The following CCDC127 variants were observed in gnomAD, a reference collection of about 807,000 sequenced individuals.
CCDC127 encodes coiled-coil domain containing 127.
In CCDC127, 2 loss-of-function variants were observed where a neutral mutation model predicts 4.1. The observed-to-expected ratio is 0.49, with a 90% CI of 0.20 to 1.53. CCDC127 has a LOEUF of 1.53. CCDC127 is among the 40% of genes most tolerant of loss of function. CCDC127 has a pLI of 0.23. For synonymous variants in CCDC127, 98 were observed against 120.4 expected (o/e 0.81, Z 1.22); for missense variants, 271 against 322.9 (o/e 0.84, Z 1.23).
intron 2 of CCDC127, among the ~76,000 whole-genome samples, chr5:208,098 A>C (rs1734213846): frequency 6.6e-6 from 1 of 152,168 alleles, no homozygotes; most frequent in Non-Finnish European, 1.5e-5. Flanking sequence ...CTTTGGGCAC[A>C]CGCAACTTTT....
At chr5:206,694 C>T (rs979469311) in intron 2 of CCDC127, among the ~76,000 whole-genome samples, 2 of 152,178 alleles carry the variant, frequency 1.3e-5, no homozygotes, top group Non-Finnish European at 2.9e-5. Flanking sequence ...AAAAAAAGAC[C>T]GTGTGATAAC....
Position 216,753 on chromosome 5 carries a change from G to A in CCDC127, c.97C>T (p.Pro33Ser), listed in dbSNP as rs561280577. ...GSRWNYALLV[P>S]MLGLAAFRWI... ...CGAAAAGCAGCCAATCCCAGCATTG[G>A]AACCAACAGGGCATAATTCCACCTG... The change falls in exon 2 of 3, where the codon CCA becomes TCA. Residue 33 changes from proline (P) to serine (S), a missense_variant. This residue lies in a region of CCDC127 where 6 missense variants were observed against 52.1 expected (regional missense o/e 0.12). Transcript: ENST00000296824. 1 of 1,613,238 alleles carries A rather than the reference G, an allele frequency of 6.2e-7. No homozygotes were observed. The highest frequency in any genetic ancestry group is 1.7e-5 in the Admixed American group (1 of 59,946).
chr5:207,849 A>C (rs1734208689), intron 2 of CCDC127, among the ~76,000 whole-genome samples: 1 of 152,140 alleles, frequency 6.6e-6, no homozygotes, highest in Non-Finnish European at 1.5e-5. Flanking sequence ...TCCCTGATAC[A>C]ATCTGGGGAC....
At chr5:210,552 A>G (rs1734263761) in intron 2 of CCDC127, among the ~76,000 whole-genome samples, 1 of 152,212 alleles carries the variant, frequency 6.6e-6, no homozygotes, top group South Asian at 2.1e-4. Flanking sequence ...TCGACATCAC[A>G]CCCTGGAGCC....
Position 205,488 on chromosome 5 carries a change from G to A in CCDC127, c.592C>T (p.Pro198Ser). Residue 198 changes from proline to serine, a missense_variant, in exon 3 of 3, where the codon CCC becomes TCC. By Grantham distance (74) the Pro-to-Ser change is moderately conservative (BLOSUM62 -1). Coordinates refer to ENST00000296824, the MANE Select transcript of CCDC127 (RefSeq NM_145265.3). ...GCCATCTCTAGGTCAGCGGCGACGG[G>A]GTCGACGGACGCTCGCACCAGTAAG... ...KSLLVRASVD[P>S]VAADLEMAAG... 1 of 1,613,970 alleles carries A rather than the reference G, an allele frequency of 6.2e-7. No homozygotes were observed. The highest frequency in any genetic ancestry group is 1.1e-5 in the South Asian group (1 of 91,074).
At chr5:209,891 A>C (rs1443082914) in intron 2 of CCDC127, among the ~76,000 whole-genome samples, 1 of 152,228 alleles carries the variant, frequency 6.6e-6, no homozygotes, top group Non-Finnish European at 1.5e-5. Context: ...AAACCAAAAA[A>C]AAACGGACCA....
Position 205,932 on chromosome 5 carries a change from T to G in CCDC127, c.148A>C (p.Lys50Gln), listed in dbSNP as rs941649043. The change falls in exon 3 of 3, where the codon AAA (lysine) becomes CAA (glutamine). Residue 50 changes from lysine (K) to glutamine (Q), a missense_variant. Around this residue, in one of 2 missense-constraint regions of CCDC127, gnomAD observed 265 missense variants for 270.9 expected, o/e 0.98. Coordinates refer to ENST00000296824, the MANE Select transcript of CCDC127 (RefSeq NM_145265.3). ...FRWIWSRESQ[K>Q]EVEKEREAYR... ...GCTTCTCTCTCTTTTTCTACTTCTT[T>G]CTGGGACTCCCTAGACCAAATCCAA... is the stretch of plus-strand genomic sequence containing the variant. The G allele has an allele frequency of 1.2e-6, 2 of 1,613,460 alleles. No homozygotes were observed. The highest frequency in any genetic ancestry group is 8.5e-7 in the Non-Finnish European group (1 of 1,179,592).
intron 2 of CCDC127, among the ~76,000 whole-genome samples, chr5:206,385 T>G (rs1317162689): frequency 6.6e-6 from 1 of 152,178 alleles, no homozygotes; most frequent in East Asian, 1.9e-4. Flanking sequence ...TAAGGACACA[T>G]AAAAATAAAG....
intron 2 of CCDC127, chr5:215,252 C>T: frequency 6.6e-6 from 1 of 151,014 alleles, no homozygotes; most frequent in Admixed American, 6.6e-5. Flanking sequence ...TTCTCTCTGA[C>T]CACACTACCT....
In CCDC127 at chr5:205,564, G is replaced by A. The variant is rs1305827284; in HGVS notation, c.516C>T (p.Ile172=). 2.5e-6 allele frequency: 4 copies of A among 1,614,250 alleles called. No individual in the cohort carries two copies. The highest frequency in any genetic ancestry group is 1.1e-5 in the South Asian group (1 of 91,086). The change falls in exon 3 of 3, where the codon ATC becomes ATT. Residue 172 remains isoleucine, a synonymous_variant. Transcript: ENST00000296824. ...FEAVLTERQN[I]YCSLFLPRSK... ...TGCGAGGAAGAAACAGACTGCAGTAGATATTCTGTCTTTCTGTGAGAACAG... is the reference window on the plus strand; with the variant it reads ...TGCGAGGAAGAAACAGACTGCAGTAAATATTCTGTCTTTCTGTGAGAACAG...
Position 198,865 on chromosome 5 carries a change from G to A in CCDC127, c.*6432C>T, listed in dbSNP as rs1306875359. 1 of 152,258 alleles carries A rather than the reference G, an allele frequency of 6.6e-6. No individual in the cohort carries two copies. 9.4% of individuals were successfully genotyped at this position (152,258 alleles called of 1,614,324 possible). On this transcript the variant is annotated 3_prime_UTR_variant, in exon 3 of 3. Transcript: ENST00000296824. The stretch of plus-strand genomic sequence containing the variant: ...AGCACTTCTCTACCGCAGAAAACAC[G>A]GCCTCCCACACAAGACAAGCTAGTG...
intron 2 of CCDC127, among the ~76,000 whole-genome samples, chr5:213,326 G>A (rs372648729): frequency 1.4e-5 from 1 of 73,172 alleles, no homozygotes; most frequent in African/African-American, 8.9e-5. Context: ...TGGGGCAGAC[G>A]GGACAGCAGT....
At position 202,873 on chromosome 5, in the gene CCDC127, G is replaced by C. The variant is rs1169625143; in HGVS notation, c.*2424C>G. On this transcript the variant is annotated 3_prime_UTR_variant, in exon 3 of 3. Transcript: ENST00000296824. ...GGAGCCTGCACCGCTCTTTAGGCAA[G>C]GGTCTTGATGCATCAGGAAGTACAA... 1.3e-5 allele frequency: 2 copies of C among 152,020 alleles called. No homozygotes were observed. The allele number at this position is 152,020 out of a possible 1,614,324, so 9.4% of individuals were successfully genotyped here.
At position 202,991 on chromosome 5, in the gene CCDC127, G is replaced by C. The variant is rs541673813; in HGVS notation, c.*2306C>G. 2.0e-5 allele frequency: 3 copies of C among 152,206 alleles called. No homozygotes were observed. The highest frequency in any genetic ancestry group is 4.4e-5 in the Non-Finnish European group (3 of 68,066). The allele number at this position is 152,206 out of a possible 1,614,324, so 9.4% of individuals were successfully genotyped here. On this transcript the variant is annotated 3_prime_UTR_variant, in exon 3 of 3. Transcript: ENST00000296824. ...CCCACACCTGTAATCCCAGTGCTGT[G>C]GGAGGCCGAGGTGGGGGCGGTGGAT...
At position 197,097 on chromosome 5, in the gene CCDC127, A is replaced by C. The variant is rs1031753315; in HGVS notation, c.*8200T>G. 6.6e-6 allele frequency: 1 copy of C among 152,184 alleles called. No individual in the cohort carries two copies. The highest frequency in any genetic ancestry group is 6.5e-5 in the Admixed American group (1 of 15,292). 9.4% of individuals were successfully genotyped at this position (152,184 alleles called of 1,614,324 possible). ...GGGAAGGTACTATGCCTGGACGTGC[A>C]CGTAGGCCAGATTTATGTTTCTCTC... On this transcript the variant is annotated 3_prime_UTR_variant, in exon 3 of 3. Transcript: ENST00000296824.
rs141456987 is a variant in CCDC127 at position 205,767 on chromosome 5, C to T, written c.313G>A (p.Ala105Thr). The change falls in exon 3 of 3, where the codon GCC becomes ACC. Residue 105 changes from alanine to threonine, a missense_variant. This residue lies in a region of CCDC127 where 265 missense variants were observed against 270.9 expected (regional missense o/e 0.98). Transcript: ENST00000296824. ...AACTTGCGTCCCTGAGAGATAAGGG[C>T]TTCTCGGTAACTAGCAGTTCTGTTT... is the stretch of plus-strand genomic sequence containing the variant. ...EQNRTASYRE[A>T]LISQGRKLVE... 3.9e-4 allele frequency: 630 copies of T among 1,614,204 alleles called. 2 individuals are homozygous for T. Among genetic ancestry groups the T allele is most frequent in the Non-Finnish European group, 2.1e-4 (252 of 1,180,030 alleles).
rs1290290681 is a variant in CCDC127 at position 197,023 on chromosome 5, G to A, written c.*8274C>T. 2.7e-5 allele frequency: 4 copies of A among 149,574 alleles called. No homozygotes were observed. The highest frequency in any genetic ancestry group is 1.0e-4 in the African/African-American group (4 of 39,208). 9.3% of individuals were successfully genotyped at this position (149,574 alleles called of 1,614,324 possible). A position where few individuals can be genotyped will look rare whatever the true frequency, so the allele number is the denominator to read the frequency against. On this transcript the variant is annotated 3_prime_UTR_variant, in exon 3 of 3. Coordinates refer to ENST00000296824, the MANE Select transcript of CCDC127 (RefSeq NM_145265.3). ...AGAGCAGGGTGATAATAAGGAGGAGGTCAGCAAAAACGTGTGAGCAAAAGA... is the reference window on the plus strand; with the variant it reads ...AGAGCAGGGTGATAATAAGGAGGAGATCAGCAAAAACGTGTGAGCAAAAGA...
chr5:205,183 G>T lies in CCDC127; in HGVS notation c.*114C>A. 1 of 962,862 alleles carries T rather than the reference G, an allele frequency of 1.0e-6. No individual in the cohort carries two copies. The highest frequency in any genetic ancestry group is 1.6e-6 in the Non-Finnish European group (1 of 641,656). 59.6% of individuals were successfully genotyped at this position (962,862 alleles called of 1,614,324 possible). On this transcript the variant is annotated 3_prime_UTR_variant, in exon 3 of 3. Transcript: ENST00000296824. ...GCGGGAGTGGAGGTCGCTGCTGAAG[G>T]GTGACGGTGTGGCCATGACACGGGC...
In CCDC127 at chr5:204,786, G is replaced by A. The variant is rs1734135468; in HGVS notation, c.*511C>T. 1 of 152,422 alleles carries A rather than the reference G, an allele frequency of 6.6e-6. No homozygotes were observed. 9.4% of individuals were successfully genotyped at this position (152,422 alleles called of 1,614,324 possible). ...ACACTTGGTATTTCCCCTTTATGGA[G>A]TGAGAGAGATCTTTAAAATATAAAC... is the stretch of plus-strand genomic sequence containing the variant. On this transcript the variant is annotated 3_prime_UTR_variant, in exon 3 of 3. Transcript: ENST00000296824.
Sources: gnomAD v4.1 joint callset for allele counts (sites outside exome capture counted in the v4.1 genomes callset) on GRCh38, gnomAD v4.1.1 for gene constraint, gnomAD v4.1.1 regional missense constraint, MANE v1.5 for transcripts, NCBI Gene and HGNC (gene_info 2026-07-23, HGNC 2026-07-21) for gene names.